Variants in CNTN4 observed in about 807,000 individuals in gnomAD.
The protein encoded by CNTN4 is contactin 4.
In CNTN4, 77 loss-of-function variants were observed where a neutral mutation model predicts 122.5. That is an observed-to-expected ratio of 0.63 (90% confidence interval 0.52 to 0.76). The LOEUF (loss-of-function observed/expected upper bound fraction) is 0.76, where lower values mean the gene tolerates loss of function less well. Ranked by LOEUF, CNTN4 falls within the 30% of genes least tolerant of loss-of-function variation. The pLI is 0.00. For missense variants in CNTN4, 1,256 were observed against 1,259.1 expected, an observed-to-expected ratio of 1.00 and a Z score of 0.04; for synonymous variants, 512 against 447.0, an observed-to-expected ratio of 1.15 and a Z score of -1.83.
At chr3:2,613,659 T>C (rs974512037) in intron 4 of CNTN4, among the ~76,000 whole-genome samples, 2 of 152,124 alleles carry the variant, frequency 1.3e-5, no homozygotes, top group Non-Finnish European at 2.9e-5. Flanking sequence ...TGATCAGAGT[T>C]ACACTATAAT....
chr3:2,563,662 C>T lies in CNTN4; in HGVS notation c.-88-7754C>T, dbSNP rs149341799. Among the ~76,000 whole-genome samples, 688 of 152,264 alleles carry T rather than the reference C, an allele frequency of 4.5e-3. 3 individuals are homozygous for T. The highest frequency in any genetic ancestry group is 0.017 in the Middle Eastern group (5 of 294). ...GTGAGAAAAATCATAGCTTTGAATA[C>T]ATGGCTCTTCTGTGTTTAACTAAAC... On this transcript the variant is annotated intron_variant, in intron 3 of 24. Coordinates refer to ENST00000418658, the MANE Select transcript of CNTN4 (RefSeq NM_175607.3).
intron 2 of CNTN4, among the ~76,000 whole-genome samples, chr3:2,329,034 TAGA>T (rs1559457896): frequency 6.6e-6 from 1 of 152,096 alleles, no homozygotes; most frequent in African/African-American, 2.4e-5. Flanking sequence ...TCAATATAAA[TAGA>T]AGTAAAATTT....
chr3:2,386,115 A>G (rs925907624), intron 3 of CNTN4, among the ~76,000 whole-genome samples: 23 of 152,124 alleles, frequency 1.5e-4, no homozygotes, highest in African/African-American at 5.3e-4. Context: ...TTCCTCAAGT[A>G]AGGGCCTATA....
intron 13 of CNTN4, among the ~76,000 whole-genome samples, chr3:2,971,978 T>C (rs1381113247): frequency 3.9e-5 from 6 of 152,196 alleles, no homozygotes; most frequent in African/African-American, 1.4e-4. Flanking sequence ...ATGCTGGAGA[T>C]AGGTATTCAG....
intron 6 of CNTN4, among the ~76,000 whole-genome samples, chr3:2,802,260 T>G (rs1246260890): frequency 6.6e-6 from 1 of 152,190 alleles, no homozygotes; most frequent in Admixed American, 6.5e-5. Context: ...TGTGGACTTG[T>G]GAAGAGCAGC....
At chr3:2,911,851 T>C (rs1397587941) in intron 12 of CNTN4, among the ~76,000 whole-genome samples, 1 of 151,926 alleles carries the variant, frequency 6.6e-6, no homozygotes, top group African/African-American at 2.4e-5. Flanking sequence ...AAAAAAATAA[T>C]CAGCAATTCA....
intron 14 of CNTN4, among the ~76,000 whole-genome samples, chr3:3,014,879 G>GTTTTTTTT (rs5846238): frequency 1.2e-4 from 14 of 121,544 alleles, no homozygotes; most frequent in Non-Finnish European, 1.5e-4. Context: ...CCCTCGATTG[G>GTTTTTTTT]TTTTTTTTTT....
chr3:2,287,421 G>A lies in CNTN4; in HGVS notation c.-144-51757G>A, dbSNP rs112207441. On this transcript the variant is annotated intron_variant, in intron 2 of 24. Coordinates refer to ENST00000418658, the MANE Select transcript of CNTN4 (RefSeq NM_175607.3). Reference sequence around the variant, plus strand: ...GTTCCAGACCAGCCTAGGCAACTTAGTGAGACCTCATCTCTACAAAAATCA... The same window carrying A: ...GTTCCAGACCAGCCTAGGCAACTTAATGAGACCTCATCTCTACAAAAATCA... 2.0e-3 allele frequency among the ~76,000 whole-genome samples: 307 copies of A among 151,962 alleles called. 4 individuals carry two copies. The highest frequency in any genetic ancestry group is 7.1e-3 in the African/African-American group (293 of 41,458).
rs567205612 is a variant in CNTN4 at position 2,468,379 on chromosome 3, GTGAC to G, written c.-88-103034_-88-103031del. Among the ~76,000 whole-genome samples, 9 of 152,216 alleles carry G rather than the reference GTGAC, an allele frequency of 5.9e-5. No individual in the cohort carries two copies. In the South Asian group the frequency reaches 1.0e-3, roughly 18 times the overall value. On this transcript the variant is annotated intron_variant, in intron 3 of 24. Transcript: ENST00000418658. ...AGTGGGCATATCAGATTTTGGGTCT[GTGAC>G]TGCTTCTCTAAACATATAACAAGAA...
At chr3:2,261,916 T>G (rs2040848127) in intron 2 of CNTN4, among the ~76,000 whole-genome samples, 1 of 152,146 alleles carries the variant, frequency 6.6e-6, no homozygotes, top group African/African-American at 2.4e-5. Flanking sequence ...CCAAATGCTG[T>G]CGTCTTTTGC....
intron 2 of CNTN4, among the ~76,000 whole-genome samples, chr3:2,213,217 A>C (rs1056837179): frequency 1.3e-5 from 2 of 152,208 alleles, no homozygotes; most frequent in Non-Finnish European, 2.9e-5. Context: ...TTGAGGCCAG[A>C]GAAATGAGAT....
chr3:2,293,557 C>T, intron 2 of CNTN4, among the ~76,000 whole-genome samples: 1 of 152,092 alleles, frequency 6.6e-6, no homozygotes, highest in East Asian at 1.9e-4. Flanking sequence ...TAATGCAGCA[C>T]CTGTTTCATA....
At chr3:2,761,671 T>G (rs1227350011) in intron 6 of CNTN4, among the ~76,000 whole-genome samples, 1 of 152,170 alleles carries the variant, frequency 6.6e-6, no homozygotes, top group Admixed American at 6.5e-5. Flanking sequence ...TATATTTTAC[T>G]TGGTATTAAA....
chr3:2,355,370 G>T lies in CNTN4; in HGVS notation c.-89+16137G>T, dbSNP rs547636900. 8.7e-4 allele frequency among the ~76,000 whole-genome samples: 132 copies of T among 152,266 alleles called. 1 individual carries two copies. Among genetic ancestry groups the T allele is most frequent in the African/African-American group, 3.1e-3 (128 of 41,562 alleles). On this transcript the variant is annotated intron_variant, in intron 3 of 24. Transcript: ENST00000418658. ...AAATATAATGTCATTGCACACATTT[G>T]ATCAATGTCTTGGCCAAGAAATCTC...
intron 2 of CNTN4, among the ~76,000 whole-genome samples, chr3:2,125,894 GGTGT>G (rs61706367): frequency 0.027 from 3,839 of 143,426 alleles, 75 homozygotes; most frequent in African/African-American, 0.058. Flanking sequence ...TTTTATTTCT[GGTGT>G]GTGTGTGTGT....
intron 2 of CNTN4, among the ~76,000 whole-genome samples, chr3:2,167,872 A>G (rs1476906936): frequency 6.6e-6 from 1 of 152,166 alleles, no homozygotes; most frequent in Non-Finnish European, 1.5e-5. Flanking sequence ...GATTTATTTC[A>G]AGACCAGGCA....
Position 2,406,852 on chromosome 3 carries a change from CTT to C in CNTN4, c.-89+67621_-89+67622del, listed in dbSNP as rs142494570. Among the ~76,000 whole-genome samples, 918 of 152,232 alleles carry C rather than the reference CTT, an allele frequency of 6.0e-3. 10 individuals carry two copies. Among genetic ancestry groups the C allele is most frequent in the African/African-American group, 0.02 (847 of 41,552 alleles). Reference sequence around the variant, plus strand: ...GTGGAGGAATGCAAAACTTACCTAACTTTATTAAGCCTCAGTTTCCCCATTTT... The same window carrying C: ...GTGGAGGAATGCAAAACTTACCTAACTATTAAGCCTCAGTTTCCCCATTTT... On this transcript the variant is annotated intron_variant, in intron 3 of 24. Transcript: ENST00000418658.
intron 6 of CNTN4, among the ~76,000 whole-genome samples, chr3:2,790,198 TTTG>T (rs1259404820): frequency 6.6e-6 from 1 of 152,042 alleles, no homozygotes; most frequent in Non-Finnish European, 1.5e-5. Flanking sequence ...CAAACCTGAG[TTTG>T]TTAGATTTTC....
chr3:2,185,703 A>G (rs1213337387), intron 2 of CNTN4, among the ~76,000 whole-genome samples: 2 of 152,282 alleles, frequency 1.3e-5, no homozygotes, highest in East Asian at 1.9e-4. Flanking sequence ...TGTGATTTCC[A>G]GAGATCTTGG....
Sources: allele counts gnomAD v4.1 joint callset (sites outside exome capture counted in the v4.1 genomes callset), GRCh38; gene constraint gnomAD v4.1.1; transcripts MANE v1.5; gene names NCBI Gene and HGNC (gene_info 2026-07-23, HGNC 2026-07-21).